FNBP1: variants seen among roughly 807,000 people sequenced by gnomAD.
FNBP1 encodes the protein formin-binding protein 1.
In FNBP1, 26 loss-of-function variants were observed where a neutral mutation model predicts 90.6. That is an observed-to-expected ratio of 0.29 (90% CI 0.21 to 0.40). The LOEUF is 0.40. Among genes scored for constraint, FNBP1 ranks in the 10% least tolerant of loss-of-function variants. The pLI is 1.00. For synonymous variants in FNBP1, 260 were observed against 265.2 expected (o/e 0.98, Z 0.19); for missense variants, 635 against 768.0 (o/e 0.83, Z 2.05).
At position 129,887,555 on chromosome 9, in the gene FNBP1, T is replaced by C. The variant is rs1056873680; in HGVS notation, c.*2984A>G. On this transcript the variant is annotated 3_prime_UTR_variant, in exon 17 of 17. Coordinates refer to ENST00000446176, the MANE Select transcript of FNBP1 (RefSeq NM_015033.3). ...ACGTCGTGTAAACTTTCTTCTGCAA[T>C]GACGGATGTTACCAAAAGGCATCGA... 5 of 211,708 alleles carry C rather than the reference T, an allele frequency of 2.4e-5. No individual in the cohort carries two copies. The highest frequency in any genetic ancestry group is 1.1e-4 in the African/African-American group (5 of 44,098). The allele number at this position is 211,708 out of a possible 1,614,324, so 13.1% of individuals were successfully genotyped here.
chr9:130,046,893 C>G (rs1589466617), upstream of FNBP1, among the ~76,000 whole-genome samples: 1 of 151,474 alleles, frequency 6.6e-6, no homozygotes, highest in Non-Finnish European at 1.5e-5. Context: ...TTATAATAAA[C>G]ATGTTTCCCT....
intron 11 of FNBP1, chr9:129,910,136 C>A (rs1482559407): frequency 2.2e-6 from 1 of 456,164 alleles, no homozygotes; most frequent in East Asian, 7.0e-5. Context: ...AAAGCTCTGG[C>A]TAAATTGTGA....
At chr9:130,005,405 G>A (rs1177430829) in intron 1 of FNBP1, among the ~76,000 whole-genome samples, 1 of 145,188 alleles carries the variant, frequency 6.9e-6, no homozygotes, top group Non-Finnish European at 1.5e-5. Context: ...GCAGTGGTGC[G>A]ATCTCAGCTC....
chr9:130,003,923 C>CAAAAAAAAAAAAA (rs545865153), intron 1 of FNBP1, among the ~76,000 whole-genome samples: 1 of 110,314 alleles, frequency 9.1e-6, no homozygotes. Flanking sequence ...GACTCCGCCT[C>CAAAAAAAAAAAAA]AAAAAAAAAA....
chr9:129,906,182 CAATTTCTTA>C (rs1248506911), intron 12 of FNBP1, among the ~76,000 whole-genome samples: 1 of 152,066 alleles, frequency 6.6e-6, no homozygotes, highest in African/African-American at 2.4e-5. Context: ...CGCGCCTGGC[CAATTTCTTA>C]ATATTTGTTA....
rs936281886 is a variant in FNBP1 at position 129,951,957 on chromosome 9, C to T, written c.513+5403G>A. Among the ~76,000 whole-genome samples, 9 of 149,526 alleles carry T rather than the reference C, an allele frequency of 6.0e-5. No homozygotes were observed. The East Asian group carries it at 6.1e-4, about 10-fold the overall frequency. On this transcript the variant is annotated intron_variant, in intron 6 of 16. Coordinates refer to ENST00000446176, the MANE Select transcript of FNBP1 (RefSeq NM_015033.3). ...CTGTAATCCCAGCCCTTTGGGAGGC[C>T]GAGGCGGGAGGATCACCTGAAGGCA... is the stretch of plus-strand genomic sequence containing the variant.
intron 6 of FNBP1, among the ~76,000 whole-genome samples, chr9:129,952,779 T>C (rs1388732320): frequency 6.6e-6 from 1 of 152,010 alleles, no homozygotes; most frequent in Admixed American, 6.6e-5. Flanking sequence ...AATAAAAGAG[T>C]AAAATAGACA....
At chr9:129,907,067 T>C (rs539400541) in intron 12 of FNBP1, among the ~76,000 whole-genome samples, 4 of 148,920 alleles carry the variant, frequency 2.7e-5, no homozygotes, top group Non-Finnish European at 5.9e-5. Flanking sequence ...CGTGAGCCAC[T>C]GCGCCTGGCC....
intron 4 of FNBP1, among the ~76,000 whole-genome samples, chr9:129,965,851 G>GGAAGGAA (rs2048554561): frequency 6.6e-6 from 1 of 151,186 alleles, no homozygotes; most frequent in African/African-American, 2.4e-5. Context: ...AAGGAAGGAA[G>GGAAGGAA]GAAGGAAATC....
intron 6 of FNBP1, among the ~76,000 whole-genome samples, chr9:129,955,764 T>C (rs1258697533): frequency 6.8e-6 from 1 of 148,046 alleles, no homozygotes; most frequent in African/African-American, 2.5e-5. Context: ...TAAATAAACA[T>C]AAAAAATAAA....
intron 4 of FNBP1, among the ~76,000 whole-genome samples, chr9:129,971,770 G>A (rs964607252): frequency 1.3e-5 from 2 of 152,244 alleles, no homozygotes; most frequent in Non-Finnish European, 2.9e-5. Flanking sequence ...AAAAAGGAAG[G>A]AAACATCGTC....
At chr9:129,978,670 T>C in intron 3 of FNBP1, 58 bp from the exon 4 acceptor site, 2 of 1,523,476 alleles carry the variant, frequency 1.3e-6, no homozygotes, top group Non-Finnish European at 1.8e-6. Flanking sequence ...ATTCATATTC[T>C]GCTTTACACC....
At position 129,915,959 on chromosome 9, in the gene FNBP1, T is replaced by G; in HGVS notation, c.1185+7A>C. ...ACTCAGGACATGCATGGAACAATTGTGCTTACCAGCTTGAGAGAAAGCTTC... is the reference window on the plus strand; with the variant it reads ...ACTCAGGACATGCATGGAACAATTGGGCTTACCAGCTTGAGAGAAAGCTTC... On this transcript the variant is annotated splice_region_variant and intron_variant, in intron 11 of 16. Transcript: ENST00000446176. The G allele has an allele frequency of 3.1e-6, 5 of 1,607,316 alleles. No homozygotes were observed. The highest frequency in any genetic ancestry group is 4.3e-6 in the Non-Finnish European group (5 of 1,174,422).
intron 11 of FNBP1, among the ~76,000 whole-genome samples, chr9:129,914,634 G>T (rs1484123831): frequency 6.6e-6 from 1 of 151,122 alleles, no homozygotes; most frequent in African/African-American, 2.4e-5. Flanking sequence ...CTCTTCTCAG[G>T]ATTTTATTTC....
At chr9:129,919,173 C>A (rs946909396) in intron 10 of FNBP1, 51 of 1,299,340 alleles carry the variant, frequency 3.9e-5, no homozygotes, top group Non-Finnish European at 4.7e-5. Context: ...TAGTCCCTAG[C>A]CTCAAAGGCA....
chr9:130,004,909 C>T (rs1050922761), intron 1 of FNBP1, among the ~76,000 whole-genome samples: 1 of 151,804 alleles, frequency 6.6e-6, no homozygotes, highest in African/African-American at 2.4e-5. Flanking sequence ...CTACTAAAAA[C>T]ACAAAAATTA....
At position 130,027,676 on chromosome 9, in the gene FNBP1, G is replaced by C. The variant is rs147918449; in HGVS notation, c.24+15276C>G. 4.6e-3 allele frequency among the ~76,000 whole-genome samples: 698 copies of C among 152,156 alleles called. 5 individuals are homozygous for C. Among genetic ancestry groups the C allele is most frequent in the Non-Finnish European group, 7.4e-3 (506 of 68,000 alleles). On this transcript the variant is annotated intron_variant, in intron 1 of 16. Coordinates refer to ENST00000446176, the MANE Select transcript of FNBP1 (RefSeq NM_015033.3). Reference sequence around the variant, plus strand: ...CCTCAGCTGGGAAGGCTTACAGGCTGGGGGGACCCAACTGCTGGGCGTTAG... The same window carrying C: ...CCTCAGCTGGGAAGGCTTACAGGCTCGGGGGACCCAACTGCTGGGCGTTAG...
rs1378663477 is a variant in FNBP1, at chr9:129,887,880, A to G, written c.*2659T>C. 31 of 231,424 alleles carry G rather than the reference A, an allele frequency of 1.3e-4. No homozygotes were observed. In the East Asian group the frequency reaches 1.7e-3, roughly 13 times the overall value. The allele number at this position is 231,424 out of a possible 1,614,324, so 14.3% of individuals were successfully genotyped here. On this transcript the variant is annotated 3_prime_UTR_variant, in exon 17 of 17. Transcript: ENST00000446176. ...ACGTTCACGGGAAATTCCACATTCT[A>G]CTCTATGTGAACTGCTCCAGAAAAA...
intron 6 of FNBP1, among the ~76,000 whole-genome samples, chr9:129,951,117 T>C (rs2046103292): frequency 6.6e-6 from 1 of 151,876 alleles, no homozygotes; most frequent in Admixed American, 6.6e-5. Context: ...CTATCATGCC[T>C]GGCTAACTTT....
Sources: gnomAD v4.1 joint callset for allele counts (sites outside exome capture counted in the v4.1 genomes callset) on GRCh38, gnomAD v4.1.1 for gene constraint, MANE v1.5 for transcripts, NCBI Gene and HGNC (gene_info 2026-07-23, HGNC 2026-07-21) for gene names.